Variants in PHF24 observed in about 807,000 individuals in gnomAD.
PHF24 encodes Galpha inhibitory interacting protein.
A neutral mutation model predicts 42.6 loss-of-function variants in PHF24; 25 were observed. The ratio of observed to expected loss-of-function variants is 0.59; its 90% CI spans 0.43 to 0.82. The LOEUF (loss-of-function observed/expected upper bound fraction) is 0.82, where lower values mean the gene tolerates loss of function less well. PHF24 is among the 40% of genes least tolerant of loss of function. The pLI, the probability that PHF24 is intolerant of heterozygous loss-of-function variation, is 0.00. For synonymous variants in PHF24, 185 were observed against 204.8 expected (o/e 0.90, Z 0.83); for missense variants, 470 against 538.1 (o/e 0.87, Z 1.25).
chr9:34,938,729 A>G, the PHF24 span, among the ~76,000 whole-genome samples: 1 of 151,492 alleles, frequency 6.6e-6, no homozygotes, highest in African/African-American at 2.4e-5. Context: ...GGAGATCAAG[A>G]CCATCCTGGC....
the PHF24 span, among the ~76,000 whole-genome samples, chr9:34,898,199 A>G: frequency 1.1e-4 from 16 of 152,192 alleles, no homozygotes; most frequent in South Asian, 2.1e-4. Flanking sequence ...CAGTAGTGGG[A>G]TTGCTGGATC....
the PHF24 span, chr9:34,723,241 G>A: frequency 6.4e-7 from 1 of 1,551,444 alleles, no homozygotes; most frequent in Non-Finnish European, 8.7e-7. Context: ...GCTAGGTTGG[G>A]TGCCCTGGTT....
the PHF24 span, among the ~76,000 whole-genome samples, chr9:34,817,146 A>G: frequency 2.0e-5 from 3 of 152,222 alleles, no homozygotes; most frequent in Admixed American, 2.0e-4. Flanking sequence ...TGAAATATAA[A>G]TTATTTTTAA....
chr9:34,922,249 A>G, the PHF24 span: 1 of 1,592,898 alleles, frequency 6.3e-7, no homozygotes, highest in Admixed American at 1.7e-5. Flanking sequence ...CACAATGTCA[A>G]GTTGTCTCTC....
chr9:34,756,291 GT>G, the PHF24 span, among the ~76,000 whole-genome samples: 1 of 152,042 alleles, frequency 6.6e-6, no homozygotes, highest in African/African-American at 2.4e-5. Context: ...TAGAGATGGG[GT>G]TTTGCCATGT....
At chr9:34,972,485 T>C (rs757134227) in exon 3 of PHF24, 1 of 1,613,454 alleles carries the variant, frequency 6.2e-7, no homozygotes, top group East Asian at 2.2e-5. Context: ...GCAGCGGAGG[T>C]GACGGAGATG....
chr9:34,690,054 C>T, the PHF24 span: 1 of 1,608,026 alleles, frequency 6.2e-7, no homozygotes, highest in Non-Finnish European at 8.5e-7. Flanking sequence ...GAATGGAGCC[C>T]CAGAATCCAG....
At chr9:34,761,337 G>T in the PHF24 span, among the ~76,000 whole-genome samples, 2 of 151,772 alleles carry the variant, frequency 1.3e-5, no homozygotes, top group Non-Finnish European at 2.9e-5. Context: ...GATGGGGTAT[G>T]ATTTATTCAT....
the PHF24 span, among the ~76,000 whole-genome samples, chr9:34,890,668 C>T: frequency 1.3e-5 from 2 of 152,160 alleles, no homozygotes; most frequent in Non-Finnish European, 2.9e-5. Context: ...TCTTTAGACT[C>T]CTAAAGGATC....
At chr9:34,977,514 C>A in intron 6 of PHF24, 32 bp from the exon 7 acceptor site, 1 of 1,577,584 alleles carries the variant, frequency 6.3e-7, no homozygotes, top group East Asian at 2.3e-5. Flanking sequence ...TTCACTATCC[C>A]ACTCCTAACC....
At chr9:34,677,358 T>C in the PHF24 span, among the ~76,000 whole-genome samples, 1 of 151,534 alleles carries the variant, frequency 6.6e-6, no homozygotes, top group Non-Finnish European at 1.5e-5. Context: ...CAATTCATTT[T>C]TCCTGACTGC....
chr9:34,798,318 T>C, the PHF24 span, among the ~76,000 whole-genome samples: 2 of 152,206 alleles, frequency 1.3e-5, no homozygotes, highest in South Asian at 2.1e-4. Context: ...ATCACCCAAA[T>C]AGTGAATATA....
the PHF24 span, among the ~76,000 whole-genome samples, chr9:34,853,846 A>T: frequency 6.7e-6 from 1 of 149,278 alleles, no homozygotes. Flanking sequence ...AAAAAAAAAA[A>T]GAAATGGCAC....
chr9:34,981,160 A>G (rs1456243397), exon 8 of PHF24: 1 of 152,276 alleles, frequency 6.6e-6, no homozygotes, highest in Non-Finnish European at 1.5e-5. Context: ...CCTACAGTAG[A>G]AACCATGAGG....
At chr9:34,690,335 A>T in the PHF24 span, 11 of 1,613,530 alleles carry the variant, frequency 6.8e-6, no homozygotes, top group African/African-American at 9.4e-5. Flanking sequence ...TGCCACTCAG[A>T]GTTGGGGCTG....
chr9:34,928,624 A>G, the PHF24 span, among the ~76,000 whole-genome samples: 3 of 152,120 alleles, frequency 2.0e-5, no homozygotes, highest in Non-Finnish European at 4.4e-5. Context: ...TTCAAAGTTC[A>G]GCCCTTATAG....
At chr9:34,741,898 T>TG in the PHF24 span, among the ~76,000 whole-genome samples, 15 of 150,544 alleles carry the variant, frequency 1.0e-4, no homozygotes, top group South Asian at 2.1e-4. Flanking sequence ...TAGTTTTAAA[T>TG]GGGGGGGTGG....
the PHF24 span, chr9:34,837,346 C>T: frequency 2.7e-6 from 1 of 370,406 alleles, no homozygotes; most frequent in Non-Finnish European, 5.2e-6. Flanking sequence ...GTGAGAGGAT[C>T]ATCAGATGCC....
chr9:34,962,129 A>G (rs1204531520), intron 1 of PHF24, among the ~76,000 whole-genome samples: 4 of 152,346 alleles, frequency 2.6e-5, no homozygotes, highest in South Asian at 2.1e-4. Flanking sequence ...AGCAAATCCA[A>G]TTCTCTGGGA....
Sources: gnomAD v4.1 joint callset for allele counts (sites outside exome capture counted in the v4.1 genomes callset) on GRCh38, gnomAD v4.1.1 for gene constraint, MANE v1.5 for transcripts, NCBI Gene and HGNC (gene_info 2026-07-23, HGNC 2026-07-21) for gene names.